Variants in PLEKHA5 observed in about 807,000 individuals in gnomAD.
PLEKHA5 encodes the protein pleckstrin homology domain containing A5, also known as pleckstrin homology domain-containing family A member 5.
A neutral mutation model predicts 181.9 loss-of-function variants in PLEKHA5; 55 were observed. That is an observed-to-expected ratio of 0.30 (90% CI 0.24 to 0.38). The LOEUF is 0.38. Ranked by LOEUF, PLEKHA5 falls within the 10% of genes least tolerant of loss-of-function variation. PLEKHA5 has a pLI of 1.00. For missense variants in PLEKHA5, 1,432 were observed against 1,549.5 expected (o/e 0.92, Z 1.27); for synonymous variants, 535 against 529.4 (o/e 1.01, Z -0.15).
chr12:19,279,711 C>A (rs892669211), intron 11 of PLEKHA5, among the ~76,000 whole-genome samples: 11 of 151,518 alleles, frequency 7.3e-5, no homozygotes, highest in Non-Finnish European at 1.5e-4. Context: ...GGTCTTTTCT[C>A]CCCTACTCCC....
intron 3 of PLEKHA5, among the ~76,000 whole-genome samples, chr12:19,146,110 A>T (rs1274302726): frequency 6.6e-6 from 1 of 152,192 alleles, no homozygotes; most frequent in Non-Finnish European, 1.5e-5. Context: ...TCACATTCAG[A>T]TTAATTTCTG....
At chr12:19,237,414 T>C (rs1052519608) in intron 3 of PLEKHA5, among the ~76,000 whole-genome samples, 3 of 152,122 alleles carry the variant, frequency 2.0e-5, no homozygotes, top group Non-Finnish European at 4.4e-5. Context: ...TCACAGAAGA[T>C]GCTTGATTTG....
At chr12:19,297,329 A>G (rs1013760475) in intron 15 of PLEKHA5, among the ~76,000 whole-genome samples, 17 of 152,114 alleles carry the variant, frequency 1.1e-4, no homozygotes, top group Non-Finnish European at 2.4e-4. Flanking sequence ...CAGTTAAAAA[A>G]AAAAAAATAC....
intron 21 of PLEKHA5, among the ~76,000 whole-genome samples, chr12:19,340,992 C>T (rs1264836210): frequency 1.3e-5 from 2 of 151,260 alleles, no homozygotes; most frequent in Non-Finnish European, 2.9e-5. Flanking sequence ...TCAAAGTTGG[C>T]TGGGCACAGT....
intron 8 of PLEKHA5, 135 bp from the exon 9 acceptor site, chr12:19,269,635 C>G: frequency 2.0e-6 from 1 of 505,300 alleles, no homozygotes; most frequent in Non-Finnish European, 3.5e-6. Context: ...ATTTCCATAT[C>G]TCAGGTAAAA....
At chr12:19,223,000 CTTTTTT>C (rs62719560) in intron 3 of PLEKHA5, among the ~76,000 whole-genome samples, 1 of 128,926 alleles carries the variant, frequency 7.8e-6, no homozygotes, top group Non-Finnish European at 1.6e-5. Flanking sequence ...GAAATTTTGT[CTTTTTT>C]TTTTTTTTTT....
At chr12:19,296,826 T>C (rs1322113257) in intron 15 of PLEKHA5, among the ~76,000 whole-genome samples, 1 of 152,134 alleles carries the variant, frequency 6.6e-6, no homozygotes, top group Non-Finnish European at 1.5e-5. Context: ...ACTTTTTTGA[T>C]CCAGGCATGA....
At chr12:19,350,505 G>A (rs191935036) in intron 25 of PLEKHA5, among the ~76,000 whole-genome samples, 213 of 152,284 alleles carry the variant, frequency 1.4e-3, no homozygotes, top group Middle Eastern at 3.4e-3. Flanking sequence ...GGTGGCTCAC[G>A]CCTATCTATA....
intron 15 of PLEKHA5, among the ~76,000 whole-genome samples, chr12:19,305,494 G>C (rs4636754): frequency 6.7e-6 from 1 of 149,798 alleles, no homozygotes; most frequent in African/African-American, 2.5e-5. Flanking sequence ...CTGGGAGGCA[G>C]AGGTTGCAGT....
At chr12:19,137,017 T>A (rs1166659168) in intron 3 of PLEKHA5, among the ~76,000 whole-genome samples, 1 of 152,144 alleles carries the variant, frequency 6.6e-6, no homozygotes, top group Non-Finnish European at 1.5e-5. Flanking sequence ...AACTATGTAT[T>A]TGATATTTAA....
At chr12:19,201,528 T>C (rs543125970) in intron 3 of PLEKHA5, 4 of 152,244 alleles carry the variant, frequency 2.6e-5, no homozygotes, top group African/African-American at 9.6e-5. Context: ...TGTACTAAAA[T>C]GTTGATAGCA....
At chr12:19,289,930 A>AT (rs1057424410) in intron 13 of PLEKHA5, among the ~76,000 whole-genome samples, 5 of 151,574 alleles carry the variant, frequency 3.3e-5, no homozygotes, top group African/African-American at 1.2e-4. Context: ...ATTTTATTTT[A>AT]TTTTTATTTA....
At chr12:19,348,616 TATGAGTCC>T in intron 25 of PLEKHA5, 97 bp downstream of exon 25, 1 of 877,410 alleles carries the variant, frequency 1.1e-6, no homozygotes, top group Non-Finnish European at 1.7e-6. Context: ...TTGACTCATA[TATGAGTCC>T]AACCCTTTAT....
rs892868394 is a variant in PLEKHA5, at chr12:19,255,036, T to C, written c.312-9T>C. 3.8e-6 allele frequency: 6 copies of C among 1,597,310 alleles called. No individual in the cohort carries two copies. Among genetic ancestry groups the C allele is most frequent in the East Asian group, 2.2e-5 (1 of 44,604 alleles). Reference sequence around the variant, plus strand: ...CAGCAAGTTCTAGCATTTTGACATATATTTTCAGGACTGTTGCAACCATGA... The same window carrying C: ...CAGCAAGTTCTAGCATTTTGACATACATTTTCAGGACTGTTGCAACCATGA... On this transcript the variant is annotated splice_polypyrimidine_tract_variant and intron_variant, in intron 4 of 31. Transcript: ENST00000429027.
chr12:19,356,160 G>C (rs968132352), intron 26 of PLEKHA5, among the ~76,000 whole-genome samples: 2 of 150,724 alleles, frequency 1.3e-5, no homozygotes, highest in Non-Finnish European at 2.9e-5. Context: ...GTGAGACTCT[G>C]TCTCAAAAAA....
intron 3 of PLEKHA5, among the ~76,000 whole-genome samples, chr12:19,168,269 C>T (rs1177257191): frequency 1.3e-5 from 2 of 152,036 alleles, no homozygotes; most frequent in Non-Finnish European, 2.9e-5. Context: ...GTGGACTTTA[C>T]AGTTTTTGAG....
At chr12:19,360,480 G>A (rs2095182295) in intron 28 of PLEKHA5, among the ~76,000 whole-genome samples, 1 of 151,844 alleles carries the variant, frequency 6.6e-6, no homozygotes, top group South Asian at 2.1e-4. Context: ...AGTGACACAT[G>A]CCTGTAATCA....
intron 3 of PLEKHA5, among the ~76,000 whole-genome samples, chr12:19,215,410 A>G (rs1457413026): frequency 6.6e-6 from 1 of 152,182 alleles, no homozygotes; most frequent in Non-Finnish European, 1.5e-5. Context: ...TCTAGCATGC[A>G]GAAATGGCCA....
intron 3 of PLEKHA5, among the ~76,000 whole-genome samples, chr12:19,231,765 A>G (rs1478073975): frequency 6.6e-6 from 1 of 151,566 alleles, no homozygotes; most frequent in South Asian, 2.1e-4. Context: ...TATTACTACT[A>G]TATATTTAAT....
Sources: gnomAD v4.1 joint callset for allele counts (sites outside exome capture counted in the v4.1 genomes callset) on GRCh38, gnomAD v4.1.1 for gene constraint, MANE v1.5 for transcripts, NCBI Gene and HGNC (gene_info 2026-07-23, HGNC 2026-07-21) for gene names.